KDM7A: variants seen among roughly 807,000 people sequenced by gnomAD.
KDM7A encodes the protein lysine demethylase 7A.
KDM7A carries 28 observed loss-of-function variants against 114.8 expected under a neutral mutation model. That is an observed-to-expected ratio of 0.24 (90% CI 0.18 to 0.33). The LOEUF is 0.33. Ranked by LOEUF, KDM7A falls within the 10% of genes least tolerant of loss-of-function variation. The pLI is 1.00. For synonymous variants in KDM7A, 423 were observed against 397.8 expected (o/e 1.06, Z -0.75); for missense variants, 942 against 1,142.5 (o/e 0.82, Z 2.53).
At chr7:140,115,034 G>A (rs1247650048) in intron 9 of KDM7A, among the ~76,000 whole-genome samples, 1 of 151,670 alleles carries the variant, frequency 6.6e-6, no homozygotes, top group Non-Finnish European at 1.5e-5. Context: ...CGTCCAGGAG[G>A]TTGGGGGCAG....
chr7:140,120,558 T>A, intron 7 of KDM7A, 29 bp from the exon 8 acceptor site: 1 of 1,333,376 alleles, frequency 7.5e-7, no homozygotes, highest in Non-Finnish European at 1.1e-6. Context: ...TATAAACCAG[T>A]CATTTTTCAA....
chr7:140,141,936 A>T (rs1445181501), intron 1 of KDM7A, among the ~76,000 whole-genome samples: 1 of 150,300 alleles, frequency 6.7e-6, no homozygotes, highest in African/African-American at 2.4e-5. Flanking sequence ...ATAAAAAGAA[A>T]CACATACATA....
At chr7:140,157,213 A>C (rs772974483) in intron 1 of KDM7A, among the ~76,000 whole-genome samples, 4 of 152,246 alleles carry the variant, frequency 2.6e-5, no homozygotes, top group Non-Finnish European at 4.4e-5. Context: ...AAAAATAATT[A>C]TTTTTAGCAA....
At chr7:140,111,668 A>G (rs1818434180) in intron 10 of KDM7A, among the ~76,000 whole-genome samples, 1 of 152,156 alleles carries the variant, frequency 6.6e-6, no homozygotes. Context: ...CATCAATAGG[A>G]AAGGGGAAGG....
chr7:140,106,890 G>T (rs1322160553), intron 11 of KDM7A, among the ~76,000 whole-genome samples: 1 of 151,886 alleles, frequency 6.6e-6, no homozygotes. Flanking sequence ...GTGGGGTGTT[G>T]AAGTCTCCCA....
chr7:140,175,164 CTG>C (rs1208432358), intron 1 of KDM7A, among the ~76,000 whole-genome samples: 1 of 152,210 alleles, frequency 6.6e-6, no homozygotes, highest in Non-Finnish European at 1.5e-5. Context: ...TGATAATTTA[CTG>C]TGTCTTGTTT....
chr7:140,162,996 C>CT (rs531552532), intron 1 of KDM7A, among the ~76,000 whole-genome samples: 6,256 of 137,590 alleles, frequency 0.045, 400 homozygotes, highest in African/African-American at 0.15. Context: ...CTTTTCTTTC[C>CT]TTTTTTTTTT....
chr7:140,107,569 T>C (rs1190353888), intron 11 of KDM7A, among the ~76,000 whole-genome samples: 2 of 152,202 alleles, frequency 1.3e-5, no homozygotes, highest in Non-Finnish European at 2.9e-5. Context: ...GGGTTGAAAA[T>C]TGTTTTCTTC....
chr7:140,168,543 G>A lies in KDM7A; in HGVS notation c.194+8201C>T, dbSNP rs575071482. ...AGATCGCACCACTGCACTCCAGCCT[G>A]GGCAACAGAGCAAGACTCTATCTCA... On this transcript the variant is annotated intron_variant, in intron 1 of 19. Coordinates refer to ENST00000397560, the MANE Select transcript of KDM7A (RefSeq NM_030647.2). Among the ~76,000 whole-genome samples the A allele has an allele frequency of 3.7e-4, 56 of 151,760 alleles. No individual in the cohort carries two copies. The South Asian group carries it at 0.011, about 31-fold the overall frequency.
chr7:140,140,554 T>C (rs1794257654), intron 1 of KDM7A, among the ~76,000 whole-genome samples: 1 of 151,976 alleles, frequency 6.6e-6, no homozygotes, highest in South Asian at 2.1e-4. Context: ...GGCGGGTGGA[T>C]CACGAGATCA....
intron 3 of KDM7A, among the ~76,000 whole-genome samples, chr7:140,130,615 C>G (rs1818769074): frequency 1.3e-5 from 2 of 151,850 alleles, no homozygotes; most frequent in Non-Finnish European, 2.9e-5. Context: ...GAGCAAAACT[C>G]CACCTCAAAA....
rs142437718 is a variant in KDM7A at position 140,094,406 on chromosome 7, G to A, written c.2375-268C>T. On this transcript the variant is annotated intron_variant, in intron 17 of 19. Transcript: ENST00000397560. ...TGTAATCTCAGCTACTTGGGAGGCC[G>A]AGGCACGAGAATCACTTGAACCCGA... is the stretch of plus-strand genomic sequence containing the variant. Among the ~76,000 whole-genome samples, 793 of 152,176 alleles carry A rather than the reference G, an allele frequency of 5.2e-3. 11 individuals are homozygous for A. Among genetic ancestry groups the A allele is most frequent in the African/African-American group, 0.018 (761 of 41,536 alleles).
intron 1 of KDM7A, among the ~76,000 whole-genome samples, chr7:140,165,873 A>G (rs1365304175): frequency 6.6e-6 from 1 of 152,210 alleles, no homozygotes; most frequent in East Asian, 1.9e-4. Context: ...TGAGTTCCTA[A>G]GCTCTATGGT....
At chr7:140,106,487 T>A (rs1293851270) in intron 11 of KDM7A, among the ~76,000 whole-genome samples, 1 of 152,228 alleles carries the variant, frequency 6.6e-6, no homozygotes, top group Non-Finnish European at 1.5e-5. Context: ...GTATGCTGTG[T>A]CTTTGTTCTC....
chr7:140,167,891 A>C (rs1216259776), intron 1 of KDM7A, among the ~76,000 whole-genome samples: 2 of 152,194 alleles, frequency 1.3e-5, no homozygotes, highest in African/African-American at 4.8e-5. Context: ...TAGTACCCCT[A>C]ATATGTAAAA....
At chr7:140,128,163 T>C (rs1346027089) in intron 4 of KDM7A, among the ~76,000 whole-genome samples, 2 of 152,200 alleles carry the variant, frequency 1.3e-5, no homozygotes, top group African/African-American at 4.8e-5. Context: ...TTCACATTAG[T>C]ACCAGTGTCC....
At chr7:140,108,220 C>A (rs1054581691) in intron 11 of KDM7A, among the ~76,000 whole-genome samples, 1 of 152,032 alleles carries the variant, frequency 6.6e-6, no homozygotes, top group African/African-American at 2.4e-5. Flanking sequence ...TGGGTTTGAA[C>A]ATCCTCCTTT....
chr7:140,097,509 T>C (rs1483017612), intron 15 of KDM7A, 36 bp downstream of exon 15: 2 of 1,112,294 alleles, frequency 1.8e-6, no homozygotes, highest in South Asian at 1.3e-5. Context: ...CATCTTTCCA[T>C]CAAATAACGT....
chr7:140,139,661 G>A (rs903073438), intron 1 of KDM7A, among the ~76,000 whole-genome samples: 4 of 151,884 alleles, frequency 2.6e-5, no homozygotes, highest in Admixed American at 2.6e-4. Context: ...ACCTCAAGAA[G>A]TTACAAAAAG....
Sources: allele counts gnomAD v4.1 joint callset (sites outside exome capture counted in the v4.1 genomes callset), GRCh38; gene constraint gnomAD v4.1.1; transcripts MANE v1.5; gene names NCBI Gene and HGNC (gene_info 2026-07-23, HGNC 2026-07-21).